Variants in RYR3 observed in about 807,000 individuals in gnomAD.
RYR3 encodes the protein brain ryanodine receptor-calcium release channel.
Under a neutral mutation model 584.3 loss-of-function variants are expected in RYR3, and 207 were observed. That is an observed-to-expected ratio of 0.35 (90% CI 0.32 to 0.40). RYR3 has a LOEUF of 0.40. Ranked by LOEUF, RYR3 falls within the 10% of genes least tolerant of loss-of-function variation. The probability of loss-of-function intolerance (pLI) is 1.00; values close to 1 mark genes in which losing one functional copy is unlikely to be tolerated. For missense variants in RYR3, 5,616 were observed against 6,089.2 expected (o/e 0.92, Z 2.59); for synonymous variants, 2,416 against 2,248.5 (o/e 1.07, Z -2.11).
At chr15:33,741,249 A>G (rs1162597818) in intron 51 of RYR3, among the ~76,000 whole-genome samples, 1 of 152,216 alleles carries the variant, frequency 6.6e-6, no homozygotes, top group Non-Finnish European at 1.5e-5. Flanking sequence ...TGGGGTCATT[A>G]TCAAGACCTA....
chr15:33,595,564 T>C (rs1393595733), intron 16 of RYR3, among the ~76,000 whole-genome samples: 1 of 152,164 alleles, frequency 6.6e-6, no homozygotes, highest in Admixed American at 6.6e-5. Context: ...CACCCACCTG[T>C]TTGGAGACAG....
chr15:33,398,536 TAGTC>T (rs2042434417), intron 1 of RYR3, among the ~76,000 whole-genome samples: 1 of 152,202 alleles, frequency 6.6e-6, no homozygotes, highest in South Asian at 2.1e-4. Context: ...TGTCTTCAAT[TAGTC>T]AGTGTATCTA....
At chr15:33,338,860 T>TA (rs1971461647) in intron 1 of RYR3, among the ~76,000 whole-genome samples, 1 of 152,116 alleles carries the variant, frequency 6.6e-6, no homozygotes, top group African/African-American at 2.4e-5. Flanking sequence ...CCTTGAAAAA[T>TA]ACAAACTTCG....
chr15:33,569,728 G>A (rs758157184), intron 12 of RYR3, among the ~76,000 whole-genome samples: 2 of 152,036 alleles, frequency 1.3e-5, no homozygotes, highest in Non-Finnish European at 2.9e-5. Context: ...TGAAGTTTCT[G>A]TTTTGTTACA....
intron 71 of RYR3, 89 bp downstream of exon 71, chr15:33,810,738 T>TG (rs912030520): frequency 7.3e-6 from 11 of 1,515,864 alleles, no homozygotes; most frequent in Non-Finnish European, 8.1e-6. Context: ...CCTCCTCCCC[T>TG]GGGGGGCGGG....
intron 2 of RYR3, among the ~76,000 whole-genome samples, chr15:33,474,433 G>T (rs1267522556): frequency 6.6e-6 from 1 of 152,184 alleles, no homozygotes; most frequent in Admixed American, 6.5e-5. Context: ...GTCATCTTGA[G>T]GTAGAGTTCC....
At chr15:33,346,027 C>T (rs943428286) in intron 1 of RYR3, among the ~76,000 whole-genome samples, 1 of 152,116 alleles carries the variant, frequency 6.6e-6, no homozygotes, top group Admixed American at 6.6e-5. Flanking sequence ...TTGAAAAAGG[C>T]TTATACAGCA....
intron 1 of RYR3, among the ~76,000 whole-genome samples, chr15:33,333,734 G>A (rs970032003): frequency 6.6e-6 from 1 of 152,158 alleles, no homozygotes; most frequent in Non-Finnish European, 1.5e-5. Context: ...CATTCACATA[G>A]GAAGAAAGGA....
intron 1 of RYR3, among the ~76,000 whole-genome samples, chr15:33,365,906 A>C (rs762584157): frequency 7.2e-5 from 11 of 152,190 alleles, no homozygotes; most frequent in Non-Finnish European, 1.5e-4. Flanking sequence ...GTTATCTCAG[A>C]GTAGTTTATT....
chr15:33,362,597 G>A (rs1974935904), intron 1 of RYR3, among the ~76,000 whole-genome samples: 1 of 152,178 alleles, frequency 6.6e-6, no homozygotes, highest in African/African-American at 2.4e-5. Flanking sequence ...TCCTAGCCTG[G>A]AAGCCAAGGT....
rs529423473 is a variant in RYR3, at chr15:33,458,185, C to T, written c.52-15234C>T. On this transcript the variant is annotated intron_variant, in intron 1 of 103. Coordinates refer to ENST00000634891, the MANE Select transcript of RYR3 (RefSeq NM_001036.6). ...CTGAGTAAAGTAAGAAGAGTGGTTGCCAGGGGCTGGGTAGGGTAGACAGTG... is the reference window on the plus strand; with the variant it reads ...CTGAGTAAAGTAAGAAGAGTGGTTGTCAGGGGCTGGGTAGGGTAGACAGTG... 6.6e-5 allele frequency among the ~76,000 whole-genome samples: 10 copies of T among 152,098 alleles called. No individual in the cohort carries two copies. In the South Asian group the frequency reaches 2.1e-3, roughly 32 times the overall value.
intron 2 of RYR3, among the ~76,000 whole-genome samples, chr15:33,485,708 A>G (rs2050359635): frequency 6.6e-6 from 1 of 152,240 alleles, no homozygotes; most frequent in South Asian, 2.1e-4. Flanking sequence ...GATGACGACC[A>G]TGAATTTTTA....
At chr15:33,528,693 C>T (rs757396077) in intron 3 of RYR3, among the ~76,000 whole-genome samples, 4 of 152,146 alleles carry the variant, frequency 2.6e-5, no homozygotes, top group Non-Finnish European at 5.9e-5. Context: ...TCTCTGTAAA[C>T]CTCAGTAGTG....
intron 78 of RYR3, 89 bp downstream of exon 78, chr15:33,820,901 A>G: frequency 9.0e-6 from 1 of 111,544 alleles, no homozygotes; most frequent in Non-Finnish European, 1.2e-5. Context: ...TAGCCTATTG[A>G]GCATTTCCTG....
intron 65 of RYR3, among the ~76,000 whole-genome samples, chr15:33,782,426 T>C (rs1365348759): frequency 6.6e-6 from 1 of 152,238 alleles, no homozygotes; most frequent in East Asian, 1.9e-4. Context: ...TAATTAGAGA[T>C]GACACAGTCC....
At position 33,729,046 on chromosome 15, in the gene RYR3, A is replaced by G. The variant is rs1297031746; in HGVS notation, c.7203+20A>G. On this transcript the variant is annotated intron_variant, in intron 47 of 103. Coordinates refer to ENST00000634891, the MANE Select transcript of RYR3 (RefSeq NM_001036.6). ...GATACAGTAAGTTGCAAAAATAACA[A>G]AAAATTATTGTTCCCATCATTGTGA... 6.2e-7 allele frequency: 1 copy of G among 1,605,470 alleles called. No homozygotes were observed. Among genetic ancestry groups the G allele is most frequent in the Non-Finnish European group, 8.5e-7 (1 of 1,175,514 alleles).
chr15:33,572,658 T>TC (rs2058088981), intron 12 of RYR3, among the ~76,000 whole-genome samples: 1 of 124,504 alleles, frequency 8.0e-6, no homozygotes, highest in Admixed American at 8.6e-5. Context: ...AAACTATATA[T>TC]ACACACACAC....
At chr15:33,581,406 T>C in intron 13 of RYR3, 102 bp from the exon 14 acceptor site, 11 of 1,229,920 alleles carry the variant, frequency 8.9e-6, no homozygotes, top group Non-Finnish European at 1.1e-5. Flanking sequence ...CATATTGGCA[T>C]TTTCAGCTTT....
intron 1 of RYR3, among the ~76,000 whole-genome samples, chr15:33,336,315 C>G (rs566631853): frequency 1.7e-4 from 25 of 151,294 alleles, no homozygotes; most frequent in Non-Finnish European, 3.4e-4. Flanking sequence ...GCTTGTAATC[C>G]CAGTTACTCG....
Sources: gnomAD v4.1 joint callset for allele counts (sites outside exome capture counted in the v4.1 genomes callset) on GRCh38, gnomAD v4.1.1 for gene constraint, MANE v1.5 for transcripts, NCBI Gene and HGNC (gene_info 2026-07-23, HGNC 2026-07-21) for gene names.